The following MYO1B variants were observed in gnomAD, a reference collection of about 807,000 sequenced individuals.
MYO1B encodes unconventional myosin-Ib.
MYO1B carries 72 observed loss-of-function variants against 159.7 expected under a neutral mutation model. The ratio of observed to expected loss-of-function variants is 0.45; its 90% CI spans 0.37 to 0.55. MYO1B has a LOEUF of 0.55. Among genes scored for constraint, MYO1B ranks in the 20% least tolerant of loss-of-function variants. The probability of loss-of-function intolerance (pLI) is 0.00; values close to 1 mark genes in which losing one functional copy is unlikely to be tolerated. For synonymous variants in MYO1B, 468 were observed against 473.8 expected, an observed-to-expected ratio of 0.99 and a Z score of 0.16; for missense variants, 1,062 against 1,364.8, an observed-to-expected ratio of 0.78 and a Z score of 3.50.
intron 1 of MYO1B, chr2:191,248,130 C>A: frequency 3.5e-6 from 2 of 568,638 alleles, no homozygotes; most frequent in African/African-American, 2.0e-5. Context: ...AATAGCTGAA[C>A]ATTTGGATTT....
At chr2:191,335,930 C>G (rs1691799821) in intron 4 of MYO1B, among the ~76,000 whole-genome samples, 1 of 152,100 alleles carries the variant, frequency 6.6e-6, no homozygotes, top group Admixed American at 6.5e-5. Context: ...CTATTTAATT[C>G]ATTACTGCTG....
intron 20 of MYO1B, 40 bp from the exon 21 acceptor site, chr2:191,396,389 T>A: frequency 3.1e-6 from 5 of 1,598,726 alleles, no homozygotes; most frequent in Non-Finnish European, 4.3e-6. Flanking sequence ...GTTACAGATA[T>A]TAACTACAAC....
At chr2:191,349,958 A>G (rs576173284) in intron 6 of MYO1B, among the ~76,000 whole-genome samples, 1 of 152,324 alleles carries the variant, frequency 6.6e-6, no homozygotes, top group South Asian at 2.1e-4. Context: ...AGTGGGTTAT[A>G]TTAGCTTTGA....
chr2:191,364,135 G>T, intron 10 of MYO1B, 23 bp from the exon 11 acceptor site: 1 of 1,585,344 alleles, frequency 6.3e-7, no homozygotes, highest in Non-Finnish European at 8.7e-7. Flanking sequence ...CACTTTTTGT[G>T]TCCATCCCCT....
At chr2:191,377,755 T>A (rs2126061128) in intron 13 of MYO1B, 1 of 152,318 alleles carries the variant, frequency 6.6e-6, no homozygotes, top group Admixed American at 6.5e-5. Flanking sequence ...ATTCCTTAAA[T>A]TTTTGAAAGT....
At chr2:191,292,266 A>G (rs1688728921) in intron 2 of MYO1B, among the ~76,000 whole-genome samples, 1 of 152,294 alleles carries the variant, frequency 6.6e-6, no homozygotes, top group Non-Finnish European at 1.5e-5. Context: ...AAACTCTAAA[A>G]TATTTAAAGA....
intron 24 of MYO1B, among the ~76,000 whole-genome samples, chr2:191,406,862 A>C (rs1229424295): frequency 6.6e-6 from 1 of 152,190 alleles, no homozygotes; most frequent in African/African-American, 2.4e-5. Context: ...TAAAAAGAAA[A>C]ACTGCCTATA....
At chr2:191,315,063 T>G (rs1690256258) in intron 3 of MYO1B, among the ~76,000 whole-genome samples, 1 of 152,170 alleles carries the variant, frequency 6.6e-6, no homozygotes, top group African/African-American at 2.4e-5. Flanking sequence ...AAAAATTATC[T>G]GGGCAAATTT....
chr2:191,262,342 C>T (rs1028797462), intron 1 of MYO1B, among the ~76,000 whole-genome samples: 1 of 152,124 alleles, frequency 6.6e-6, no homozygotes, highest in Non-Finnish European at 1.5e-5. Flanking sequence ...AACTGAACAA[C>T]TGCACAGAGC....
chr2:191,265,916 G>T (rs1687112447), intron 1 of MYO1B, among the ~76,000 whole-genome samples: 1 of 152,026 alleles, frequency 6.6e-6, no homozygotes. Flanking sequence ...TGGGCTGCAT[G>T]CTGCCCATTC....
chr2:191,342,999 T>C (rs986299596), intron 5 of MYO1B, among the ~76,000 whole-genome samples: 5 of 152,238 alleles, frequency 3.3e-5, no homozygotes, highest in Admixed American at 3.3e-4. Flanking sequence ...TCAGCAGTGT[T>C]GGACTGCTTA....
At chr2:191,320,692 A>G (rs1420244771) in intron 3 of MYO1B, among the ~76,000 whole-genome samples, 5 of 151,968 alleles carry the variant, frequency 3.3e-5, no homozygotes, top group Non-Finnish European at 7.4e-5. Flanking sequence ...GCCCCCACAT[A>G]CCTTTTAGTC....
intron 3 of MYO1B, among the ~76,000 whole-genome samples, chr2:191,298,041 T>C (rs1298552847): frequency 6.6e-6 from 1 of 152,260 alleles, no homozygotes. Flanking sequence ...TGATTAAAGA[T>C]TGGCTTTATT....
chr2:191,271,088 G>A (rs1321021210), intron 1 of MYO1B, among the ~76,000 whole-genome samples: 1 of 152,166 alleles, frequency 6.6e-6, no homozygotes, highest in Non-Finnish European at 1.5e-5. Flanking sequence ...AGATGAATAA[G>A]GCATGATTCT....
chr2:191,326,770 ATG>A (rs35184577), intron 3 of MYO1B, among the ~76,000 whole-genome samples: 24,444 of 136,936 alleles, frequency 0.18, 2,169 homozygotes, highest in South Asian at 0.27. Flanking sequence ...GTTTGTATAT[ATG>A]TGTGTGTGTG....
intron 27 of MYO1B, among the ~76,000 whole-genome samples, chr2:191,412,217 A>C (rs1234534960): frequency 6.6e-6 from 1 of 152,214 alleles, no homozygotes; most frequent in African/African-American, 2.4e-5. Context: ...AGCATATTCA[A>C]ACAGGAGAAT....
intron 1 of MYO1B, among the ~76,000 whole-genome samples, chr2:191,276,269 T>C (rs931306122): frequency 1.3e-5 from 2 of 152,218 alleles, no homozygotes; most frequent in African/African-American, 2.4e-5. Flanking sequence ...ATAGATGCCA[T>C]GTTAGACGTG....
chr2:191,282,339 C>T (rs1447599015), intron 2 of MYO1B, among the ~76,000 whole-genome samples: 2 of 152,192 alleles, frequency 1.3e-5, no homozygotes, highest in Non-Finnish European at 2.9e-5. Flanking sequence ...TTCAGCAGGG[C>T]TGCAATCTTA....
At chr2:191,273,129 T>C (rs1220335071) in intron 1 of MYO1B, among the ~76,000 whole-genome samples, 1 of 152,156 alleles carries the variant, frequency 6.6e-6, no homozygotes, top group Non-Finnish European at 1.5e-5. Context: ...TTTCTCTTTT[T>C]TTCTTTTGAG....
Sources: gnomAD v4.1 joint callset for allele counts (sites outside exome capture counted in the v4.1 genomes callset) on GRCh38, gnomAD v4.1.1 for gene constraint, MANE v1.5 for transcripts, NCBI Gene and HGNC (gene_info 2026-07-23, HGNC 2026-07-21) for gene names.